The following CAMK1D variants were observed in gnomAD, a reference collection of about 807,000 sequenced individuals.
CAMK1D encodes the protein calcium/calmodulin dependent protein kinase ID, also known as calcium/calmodulin-dependent protein kinase type 1D.
A neutral mutation model predicts 47.7 loss-of-function variants in CAMK1D; 9 were observed. That is an observed-to-expected ratio of 0.19 (90% CI 0.11 to 0.33). CAMK1D has a LOEUF of 0.33. CAMK1D is among the 10% of genes least tolerant of loss of function. The probability of loss-of-function intolerance (pLI) is 1.00; values close to 1 mark genes in which losing one functional copy is unlikely to be tolerated. For missense variants in CAMK1D, 291 were observed against 488.7 expected (o/e 0.60, Z 3.81); for synonymous variants, 184 against 184.9 (o/e 0.99, Z 0.04).
At chr10:12,547,979 A>G (rs1488293350) in intron 1 of CAMK1D, among the ~76,000 whole-genome samples, 6 of 152,202 alleles carry the variant, frequency 3.9e-5, no homozygotes, top group Non-Finnish European at 8.8e-5. Flanking sequence ...ATCTGACGAC[A>G]GGGTCTTCTA....
chr10:12,630,710 T>C (rs1839355799), intron 2 of CAMK1D, among the ~76,000 whole-genome samples: 1 of 152,180 alleles, frequency 6.6e-6, no homozygotes, highest in South Asian at 2.1e-4. Context: ...AGGCGTGAGC[T>C]ACTGCCCCTG....
chr10:12,365,947 TC>T (rs1222249072), intron 1 of CAMK1D, among the ~76,000 whole-genome samples: 1 of 152,172 alleles, frequency 6.6e-6, no homozygotes, highest in Non-Finnish European at 1.5e-5. Context: ...TCCCAGCTAC[TC>T]GGGAGGCTGA....
At chr10:12,675,048 A>AAG (rs1840761853) in intron 3 of CAMK1D, among the ~76,000 whole-genome samples, 1 of 151,712 alleles carries the variant, frequency 6.6e-6, no homozygotes, top group African/African-American at 2.4e-5. Context: ...AAAAAAAAAA[A>AAG]AAGAACATTA....
At chr10:12,477,193 A>T (rs1833928540) in intron 1 of CAMK1D, among the ~76,000 whole-genome samples, 1 of 152,188 alleles carries the variant, frequency 6.6e-6, no homozygotes, top group African/African-American at 2.4e-5. Context: ...AGGCGGGCAG[A>T]TCACTGGAGG....
chr10:12,515,413 T>C (rs1835169706), intron 1 of CAMK1D, among the ~76,000 whole-genome samples: 1 of 69,236 alleles, frequency 1.4e-5, no homozygotes, highest in African/African-American at 5.7e-5. Context: ...TTTTTTTTTT[T>C]TTTTCTTTTT....
chr10:12,816,565 C>T (rs72638763), intron 8 of CAMK1D, among the ~76,000 whole-genome samples: 6,245 of 152,004 alleles, frequency 0.041, 414 homozygotes, highest in East Asian at 0.3. Context: ...TCCTTTTTCA[C>T]GCTGCTGATA....
At chr10:12,817,722 T>A (rs1030195508) in intron 8 of CAMK1D, among the ~76,000 whole-genome samples, 2 of 151,908 alleles carry the variant, frequency 1.3e-5, no homozygotes, top group East Asian at 3.9e-4. Flanking sequence ...TGAGATGGAG[T>A]CTCCGTCACC....
At chr10:12,626,287 T>A (rs1839211178) in intron 2 of CAMK1D, among the ~76,000 whole-genome samples, 1 of 152,160 alleles carries the variant, frequency 6.6e-6, no homozygotes, top group Non-Finnish European at 1.5e-5. Flanking sequence ...TGCATTAATT[T>A]AAATTTTAAC....
intron 1 of CAMK1D, among the ~76,000 whole-genome samples, chr10:12,526,952 G>A (rs1367921889): frequency 1.3e-5 from 2 of 150,164 alleles, no homozygotes; most frequent in African/African-American, 2.5e-5. Flanking sequence ...TCAGAAGGCC[G>A]AGATGGGAGG....
chr10:12,704,676 T>C (rs1304724473), intron 3 of CAMK1D, among the ~76,000 whole-genome samples: 1 of 152,018 alleles, frequency 6.6e-6, no homozygotes, highest in Non-Finnish European at 1.5e-5. Flanking sequence ...ATGAAATGGG[T>C]TCTGTCAAGC....
intron 3 of CAMK1D, among the ~76,000 whole-genome samples, chr10:12,713,488 C>G (rs748914039): frequency 4.6e-5 from 7 of 152,152 alleles, no homozygotes; most frequent in African/African-American, 7.2e-5. Flanking sequence ...CCGGAATGGT[C>G]TCTCTGTCGG....
intron 1 of CAMK1D, among the ~76,000 whole-genome samples, chr10:12,384,031 C>CA (rs1346761076): frequency 1.3e-5 from 2 of 151,776 alleles, no homozygotes; most frequent in African/African-American, 4.8e-5. Context: ...GATCAGTATA[C>CA]AAAAATGAAT....
intron 5 of CAMK1D, among the ~76,000 whole-genome samples, chr10:12,783,087 G>A (rs1025063495): frequency 6.7e-6 from 1 of 149,846 alleles, no homozygotes; most frequent in Non-Finnish European, 1.5e-5. Flanking sequence ...CCACCTCCTC[G>A]GTCCAAGCAG....
chr10:12,515,678 T>G (rs914774438), intron 1 of CAMK1D, among the ~76,000 whole-genome samples: 1 of 149,888 alleles, frequency 6.7e-6, no homozygotes, highest in South Asian at 2.1e-4. Context: ...GGCGCGATCT[T>G]GGCTCACTGC....
chr10:12,771,776 G>A (rs1837050616), intron 5 of CAMK1D, among the ~76,000 whole-genome samples: 1 of 152,216 alleles, frequency 6.6e-6, no homozygotes, highest in Non-Finnish European at 1.5e-5. Context: ...GCTCACGCCT[G>A]TAATCCCAGC....
intron 1 of CAMK1D, among the ~76,000 whole-genome samples, chr10:12,475,729 T>G (rs951963841): frequency 1.3e-5 from 2 of 152,088 alleles, no homozygotes; most frequent in African/African-American, 2.4e-5. Flanking sequence ...TCCCCTTTTT[T>G]TGCTGCTGTG....
At chr10:12,424,774 A>G (rs572406492) in intron 1 of CAMK1D, among the ~76,000 whole-genome samples, 61 of 152,112 alleles carry the variant, frequency 4.0e-4, no homozygotes, top group Admixed American at 1.7e-3. Context: ...GCACCATTGC[A>G]CTCCAGCCTG....
intron 2 of CAMK1D, among the ~76,000 whole-genome samples, chr10:12,554,357 G>C (rs1836693551): frequency 7.7e-6 from 1 of 130,616 alleles, no homozygotes; most frequent in South Asian, 2.3e-4. Flanking sequence ...GTTTCTCCAT[G>C]TTGGCCAGGC....
rs1001223314 is a variant in CAMK1D at position 12,656,840 on chromosome 10, G to A, written c.225-9896G>A. On this transcript the variant is annotated intron_variant, in intron 2 of 10. Transcript: ENST00000619168. The stretch of plus-strand genomic sequence containing the variant: ...CTATACAGTAATATGTTACATGTGT[G>A]TGTGTATATACATTTTTTTTACATA... Among the ~76,000 whole-genome samples the A allele has an allele frequency of 2.6e-5, 4 of 152,034 alleles. No individual in the cohort carries two copies. In the East Asian group the frequency reaches 5.8e-4, roughly 22 times the overall value.
Sources: allele counts gnomAD v4.1 joint callset (sites outside exome capture counted in the v4.1 genomes callset), GRCh38; gene constraint gnomAD v4.1.1; transcripts MANE v1.5; gene names NCBI Gene and HGNC (gene_info 2026-07-23, HGNC 2026-07-21).